The following CEP112 variants were observed in gnomAD, a reference collection of about 807,000 sequenced individuals.
CEP112 encodes centrosomal protein of 112 kDa.
Under a neutral mutation model 153.0 loss-of-function variants are expected in CEP112, and 127 were observed. That is an observed-to-expected ratio of 0.83 (90% CI 0.72 to 0.96). The LOEUF is 0.96. Among genes scored for constraint, CEP112 ranks in the 40% least tolerant of loss-of-function variants. CEP112 has a pLI of 0.00. For synonymous variants in CEP112, 358 were observed against 374.4 expected, an observed-to-expected ratio of 0.96 and a Z score of 0.51; for missense variants, 1,089 against 1,101.2, an observed-to-expected ratio of 0.99 and a Z score of 0.16.
chr17:65,760,745 G>GTAA (rs1185567778), intron 21 of CEP112, among the ~76,000 whole-genome samples: 1 of 151,962 alleles, frequency 6.6e-6, no homozygotes, highest in African/African-American at 2.4e-5. Context: ...TGGTATCAGG[G>GTAA]TAATGCTGAC....
At chr17:65,948,679 A>G (rs1354847126) in intron 18 of CEP112, among the ~76,000 whole-genome samples, 1 of 149,160 alleles carries the variant, frequency 6.7e-6, no homozygotes, top group Non-Finnish European at 1.5e-5. Context: ...AGCTAAACTG[A>G]TAATAAATTT....
At chr17:65,788,584 A>T (rs1359677778) in intron 21 of CEP112, among the ~76,000 whole-genome samples, 1 of 152,122 alleles carries the variant, frequency 6.6e-6, no homozygotes, top group Non-Finnish European at 1.5e-5. Flanking sequence ...TTTCTACAGG[A>T]CTATTAGAGT....
intron 5 of CEP112, among the ~76,000 whole-genome samples, chr17:66,131,864 T>C (rs2070184843): frequency 6.6e-6 from 1 of 151,372 alleles, no homozygotes; most frequent in South Asian, 2.1e-4. Context: ...AGGCACAGTG[T>C]TTCTCTTTTC....
At chr17:65,825,484 C>T (rs1351815020) in intron 21 of CEP112, among the ~76,000 whole-genome samples, 1 of 152,026 alleles carries the variant, frequency 6.6e-6, no homozygotes, top group East Asian at 1.9e-4. Flanking sequence ...GGACCCCTGC[C>T]CTAGAGCATC....
intron 21 of CEP112, among the ~76,000 whole-genome samples, chr17:65,797,806 A>C (rs1024131003): frequency 2.0e-5 from 3 of 152,120 alleles, no homozygotes; most frequent in African/African-American, 7.2e-5. Context: ...TATGCTAGTC[A>C]CCTCTTCTAT....
chr17:65,996,669 A>T (rs965161239), intron 17 of CEP112, among the ~76,000 whole-genome samples: 1 of 152,068 alleles, frequency 6.6e-6, no homozygotes, highest in Non-Finnish European at 1.5e-5. Context: ...CCACTTTCTC[A>T]TTACTTAAAT....
At position 65,864,913 on chromosome 17, in the gene CEP112, AGT is replaced by A. The variant is rs6146121; in HGVS notation, c.2164-12881_2164-12880del. Among the ~76,000 whole-genome samples, 1,261 of 144,402 alleles carry A rather than the reference AGT, an allele frequency of 8.7e-3. 6 individuals carry two copies. The highest frequency in any genetic ancestry group is 9.7e-3 in the African/African-American group (371 of 38,332). The allele number at this position is 144,402 out of a possible 152,430, so 94.7% of individuals were successfully genotyped here. On this transcript the variant is annotated intron_variant, in intron 20 of 26. Transcript: ENST00000535342. ...TGGGTGGGCTTTTTAGGGGTAAGCA[AGT>A]GTGTGTGTGTGTGTGTGTGTGTGTG... is the stretch of plus-strand genomic sequence containing the variant.
intron 20 of CEP112, among the ~76,000 whole-genome samples, chr17:65,862,835 T>C (rs2058353031): frequency 6.6e-6 from 1 of 152,196 alleles, no homozygotes. Flanking sequence ...AGAGTGCTAC[T>C]ATTTATTATG....
At chr17:65,746,181 A>AAG (rs1406518267) in intron 22 of CEP112, among the ~76,000 whole-genome samples, 1 of 150,548 alleles carries the variant, frequency 6.6e-6, no homozygotes, top group South Asian at 2.1e-4. Context: ...AAAAAAAAAA[A>AAG]AAAAAAAGAA....
intron 17 of CEP112, among the ~76,000 whole-genome samples, chr17:65,970,992 T>G (rs938298504): frequency 3.3e-5 from 5 of 152,194 alleles, no homozygotes; most frequent in African/African-American, 1.2e-4. Context: ...AAAAACTTTG[T>G]AAAGGGCTTC....
intron 23 of CEP112, among the ~76,000 whole-genome samples, chr17:65,735,551 T>A (rs2050750980): frequency 1.8e-5 from 1 of 56,662 alleles, no homozygotes; most frequent in Non-Finnish European, 6.3e-5. Context: ...GAAAATGTAC[T>A]TAATATCCTG....
At chr17:65,670,747 A>G (rs1324840022) in intron 24 of CEP112, among the ~76,000 whole-genome samples, 2 of 152,230 alleles carry the variant, frequency 1.3e-5, no homozygotes, top group Non-Finnish European at 2.9e-5. Context: ...AGTTTTAAGG[A>G]TTAATGAAAA....
intron 19 of CEP112, among the ~76,000 whole-genome samples, chr17:65,915,807 AAG>A (rs2060458414): frequency 6.6e-6 from 1 of 151,268 alleles, no homozygotes; most frequent in Non-Finnish European, 1.5e-5. Context: ...AAAAAAAAAA[AAG>A]AGAAAAGCAA....
chr17:65,675,376 T>A (rs943790245), intron 24 of CEP112, among the ~76,000 whole-genome samples: 1 of 152,296 alleles, frequency 6.6e-6, no homozygotes, highest in East Asian at 1.9e-4. Context: ...CAGCTAATTT[T>A]TGTATTTTTA....
intron 8 of CEP112, among the ~76,000 whole-genome samples, chr17:66,088,408 C>T (rs540884144): frequency 6.6e-6 from 1 of 152,134 alleles, no homozygotes; most frequent in Non-Finnish European, 1.5e-5. Context: ...AGGTTTCAGG[C>T]CTACCCAGGA....
intron 17 of CEP112, among the ~76,000 whole-genome samples, chr17:65,963,873 G>A (rs991652884): frequency 5.9e-5 from 9 of 152,136 alleles, no homozygotes; most frequent in Non-Finnish European, 1.3e-4. Context: ...CTACCTGAAG[G>A]TGACAATAAT....
At chr17:65,813,877 A>AT (rs990540937) in intron 21 of CEP112, among the ~76,000 whole-genome samples, 6 of 152,070 alleles carry the variant, frequency 3.9e-5, no homozygotes, top group Non-Finnish European at 7.4e-5. Context: ...AAGATCGTTC[A>AT]TTTTTTTTAT....
intron 23 of CEP112, among the ~76,000 whole-genome samples, chr17:65,693,233 C>T (rs2048199883): frequency 1.3e-5 from 2 of 152,068 alleles, no homozygotes; most frequent in Admixed American, 6.5e-5. Flanking sequence ...ACTCGGCGTC[C>T]CACACCCTGC....
chr17:66,048,687 G>A (rs1234648522), intron 12 of CEP112, among the ~76,000 whole-genome samples: 1 of 152,074 alleles, frequency 6.6e-6, no homozygotes, highest in Non-Finnish European at 1.5e-5. Context: ...TCGGCTCACT[G>A]TAACCTCTGT....
Sources: allele counts gnomAD v4.1 joint callset (sites outside exome capture counted in the v4.1 genomes callset), GRCh38; gene constraint gnomAD v4.1.1; transcripts MANE v1.5; gene names NCBI Gene and HGNC (gene_info 2026-07-23, HGNC 2026-07-21).